Variants in RFTN2 observed in about 807,000 individuals in gnomAD.
RFTN2 encodes raftlin family member 2, also known as raftlin-2.
In RFTN2, 34 loss-of-function variants were observed where a neutral mutation model predicts 52.7. The ratio of observed to expected loss-of-function variants is 0.64; its 90% CI spans 0.49 to 0.86. The LOEUF (loss-of-function observed/expected upper bound fraction) is 0.86, where lower values mean the gene tolerates loss of function less well. RFTN2 is among the 40% of genes least tolerant of loss of function. RFTN2 has a pLI of 0.00. For synonymous variants in RFTN2, 203 were observed against 217.7 expected (o/e 0.93, Z 0.59); for missense variants, 536 against 600.1 (o/e 0.89, Z 1.12).
intron 3 of RFTN2, among the ~76,000 whole-genome samples, chr2:197,636,025 T>C (rs1227264040): frequency 5.0e-4 from 73 of 144,726 alleles, no homozygotes; most frequent in African/African-American, 8.5e-4. Context: ...TTTTCTCAGG[T>C]TTGTCAAAGA....
At chr2:197,620,870 G>A (rs1358298753) in intron 5 of RFTN2, among the ~76,000 whole-genome samples, 1 of 152,228 alleles carries the variant, frequency 6.6e-6, no homozygotes, top group Non-Finnish European at 1.5e-5. Flanking sequence ...GGAGGCAGAG[G>A]CAGGAGAATC....
intron 5 of RFTN2, among the ~76,000 whole-genome samples, chr2:197,619,319 A>G (rs899089294): frequency 1.3e-5 from 2 of 152,090 alleles, no homozygotes; most frequent in African/African-American, 4.8e-5. Context: ...AGGTGGGGAA[A>G]AGATTGAGAA....
chr2:197,614,454 C>G (rs1000594525), intron 7 of RFTN2, among the ~76,000 whole-genome samples: 2 of 152,184 alleles, frequency 1.3e-5, no homozygotes, highest in African/African-American at 4.8e-5. Context: ...TCCTCAATTC[C>G]CTGTGCAACT....
chr2:197,647,998 A>G (rs548602322), intron 1 of RFTN2, among the ~76,000 whole-genome samples: 50 of 152,372 alleles, frequency 3.3e-4, no homozygotes, highest in Non-Finnish European at 6.0e-4. Flanking sequence ...ATACCTAGAA[A>G]TAGACCTGCA....
At chr2:197,649,873 A>G (rs1167485225) in intron 1 of RFTN2, among the ~76,000 whole-genome samples, 1 of 152,196 alleles carries the variant, frequency 6.6e-6, no homozygotes, top group Admixed American at 6.5e-5. Flanking sequence ...AGATTATTTG[A>G]AAGTATTTCA....
intron 1 of RFTN2, among the ~76,000 whole-genome samples, chr2:197,661,299 A>G (rs1289130943): frequency 2.0e-5 from 3 of 151,712 alleles, no homozygotes; most frequent in Non-Finnish European, 4.4e-5. Context: ...GGCACAATCA[A>G]GGCTCACAGC....
rs537233809 is a variant in RFTN2 at position 197,642,968 on chromosome 2, C to T, written c.438+1190G>A. On this transcript the variant is annotated intron_variant, in intron 3 of 8. Transcript: ENST00000295049. Reference sequence around the variant, plus strand: ...TACTCCAGCCTATTTTCTTTAACAACAACAACAAAAAAAGACAAAATGGGA... The same window carrying T: ...TACTCCAGCCTATTTTCTTTAACAATAACAACAAAAAAAGACAAAATGGGA... Among the ~76,000 whole-genome samples, 240 of 152,198 alleles carry T rather than the reference C, an allele frequency of 1.6e-3. 7 individuals carry two copies. The South Asian group carries it at 0.048, about 30-fold the overall frequency.
intron 1 of RFTN2, among the ~76,000 whole-genome samples, chr2:197,662,547 G>T (rs1158667450): frequency 6.6e-6 from 1 of 151,918 alleles, no homozygotes; most frequent in Non-Finnish European, 1.5e-5. Flanking sequence ...GATGCTTCCA[G>T]CTTTGTTCTT....
At chr2:197,610,546 T>C (rs1446626883) in intron 7 of RFTN2, among the ~76,000 whole-genome samples, 2 of 152,236 alleles carry the variant, frequency 1.3e-5, no homozygotes, top group African/African-American at 4.8e-5. Flanking sequence ...TATACAATCA[T>C]GTCTTCTGCA....
intron 5 of RFTN2, among the ~76,000 whole-genome samples, chr2:197,626,785 A>AT (rs1234792276): frequency 6.6e-6 from 1 of 151,408 alleles, no homozygotes; most frequent in African/African-American, 2.4e-5. Flanking sequence ...CATCCAGCAC[A>AT]TTTTTTGTAT....
At chr2:197,630,988 A>G in intron 5 of RFTN2, 23 bp downstream of exon 5, 1 of 1,468,178 alleles carries the variant, frequency 6.8e-7, no homozygotes, top group African/African-American at 1.4e-5. Flanking sequence ...TCAGATATAA[A>G]ATATCATTAA....
intron 1 of RFTN2, among the ~76,000 whole-genome samples, chr2:197,659,355 C>T (rs536123724): frequency 1.3e-4 from 19 of 151,284 alleles, no homozygotes; most frequent in Non-Finnish European, 2.8e-4. Context: ...AAAAATTAGC[C>T]CGGCATGGTG....
intron 1 of RFTN2, among the ~76,000 whole-genome samples, chr2:197,675,084 G>A (rs1364905667): frequency 6.6e-6 from 1 of 152,082 alleles, no homozygotes; most frequent in African/African-American, 2.4e-5. Context: ...AATGAAAGAA[G>A]TATTTCCAAG....
intron 5 of RFTN2, among the ~76,000 whole-genome samples, chr2:197,627,779 TAGAG>T (rs1385242755): frequency 3.3e-5 from 5 of 152,084 alleles, no homozygotes; most frequent in Non-Finnish European, 7.4e-5. Context: ...AAAAGGCTGT[TAGAG>T]TGAGTGTGGA....
At chr2:197,646,436 A>G (rs1449624585) in intron 2 of RFTN2, 47 bp downstream of exon 2, 1 of 1,489,620 alleles carries the variant, frequency 6.7e-7, no homozygotes, top group African/African-American at 1.4e-5. Context: ...TTTTAGACAA[A>G]GAGAACTGTC....
At chr2:197,664,988 A>C (rs1403885954) in intron 1 of RFTN2, among the ~76,000 whole-genome samples, 2 of 152,174 alleles carry the variant, frequency 1.3e-5, no homozygotes, top group African/African-American at 4.8e-5. Flanking sequence ...AACAATAGAC[A>C]CTGGGACTAC....
rs148051761 is a variant in RFTN2 at position 197,665,838 on chromosome 2, T to C, written c.139+9482A>G. On this transcript the variant is annotated intron_variant, in intron 1 of 8. Transcript: ENST00000295049. ...TTGTTTTCTGTATGTTCTTTGTTCC[T>C]TTGTTTTGCTCTTCCTGTTTATCAT... is the stretch of plus-strand genomic sequence containing the variant. 1.6e-3 allele frequency among the ~76,000 whole-genome samples: 250 copies of C among 152,316 alleles called. 1 individual carries two copies. The highest frequency in any genetic ancestry group is 5.7e-3 in the African/African-American group (238 of 41,566).
At position 197,572,148 on chromosome 2, in the gene RFTN2, G is replaced by A. The variant is rs770123553; in HGVS notation, c.1366C>T (p.Arg456Trp). 42 of 1,614,124 alleles carry A rather than the reference G, an allele frequency of 2.6e-5. No homozygotes were observed. Among genetic ancestry groups the A allele is most frequent in the Middle Eastern group, 1.6e-4 (1 of 6,084 alleles). The change falls in exon 9 of 9, where the codon CGG becomes TGG. Residue 456 changes from arginine (R) to tryptophan (W), a missense_variant. Arg to Trp is a moderately radical substitution (Grantham distance 101). Coordinates refer to ENST00000295049, the MANE Select transcript of RFTN2 (RefSeq NM_144629.3). The stretch of plus-strand genomic sequence containing the variant: ...CTTCCCTCCTTTGTCCAGCATTCCC[G>A]GGAGGGAGAAAGGCGGCACTCCTCA... ...LPEECRLSPS[R>W]ECWTKEGRLA...
intron 2 of RFTN2, 68 bp downstream of exon 2, chr2:197,646,415 A>ATT: frequency 1.5e-6 from 2 of 1,291,326 alleles, no homozygotes; most frequent in Non-Finnish European, 2.1e-6. Context: ...CTTGATTCAA[A>ATT]TTTTTTTTTC....
Sources: allele counts gnomAD v4.1 joint callset (sites outside exome capture counted in the v4.1 genomes callset), GRCh38; gene constraint gnomAD v4.1.1; transcripts MANE v1.5; gene names NCBI Gene and HGNC (gene_info 2026-07-23, HGNC 2026-07-21).